The following LTN1 variants were observed in gnomAD, a reference collection of about 807,000 sequenced individuals.
The protein encoded by LTN1 is listerin E3 ubiquitin protein ligase 1, also known as E3 ubiquitin-protein ligase listerin.
LTN1 carries 88 observed loss-of-function variants against 201.2 expected under a neutral mutation model. That is an observed-to-expected ratio of 0.44 (90% CI 0.37 to 0.52). The LOEUF is 0.52. Among genes scored for constraint, LTN1 ranks in the 20% least tolerant of loss-of-function variants. LTN1 has a pLI of 0.00. For synonymous variants in LTN1, 645 were observed against 713.5 expected, an observed-to-expected ratio of 0.90 and a Z score of 1.53; for missense variants, 1,752 against 2,038.7, an observed-to-expected ratio of 0.86 and a Z score of 2.71.
chr21:28,965,723 G>A lies in LTN1; in HGVS notation c.2163+142C>T. 7.2e-6 allele frequency: 4 copies of A among 552,274 alleles called. No homozygotes were observed. The East Asian group carries it at 1.0e-4, about 14-fold the overall frequency. 34.2% of individuals were successfully genotyped at this position (552,274 alleles called of 1,614,324 possible). A position where few individuals can be genotyped will look rare whatever the true frequency, so the allele number is the denominator to read the frequency against. On this transcript the variant is annotated intron_variant, in intron 11 of 29. Coordinates refer to ENST00000361371, the MANE Select transcript of LTN1 (RefSeq NM_015565.3). Reference sequence around the variant, plus strand: ...GAACAAATATCTTCCCACATTATAGGAAGAAAGTTACAATAATGAGGAAGT... The same window carrying A: ...GAACAAATATCTTCCCACATTATAGAAAGAAAGTTACAATAATGAGGAAGT...
chr21:28,983,511 A>G (rs559817077), intron 4 of LTN1, among the ~76,000 whole-genome samples: 2 of 152,362 alleles, frequency 1.3e-5, no homozygotes, highest in East Asian at 1.9e-4. Flanking sequence ...CACCTGAGAA[A>G]TGAAGAATGG....
Position 28,947,458 on chromosome 21 carries a change from A to G in LTN1, c.3487+6T>C. 1 of 1,510,124 alleles carries G rather than the reference A, an allele frequency of 6.6e-7. No homozygotes were observed. The highest frequency in any genetic ancestry group is 8.8e-7 in the Non-Finnish European group (1 of 1,136,036). The allele number at this position is 1,510,124 out of a possible 1,614,324, so 93.5% of individuals were successfully genotyped here. A position where few individuals can be genotyped will look rare whatever the true frequency, so the allele number is the denominator to read the frequency against. ...TTAATGAAATATTTATTATCAAGCA[A>G]CTAACCATTAGTGCTGCAAAGATCT... On this transcript the variant is annotated splice_donor_region_variant and intron_variant, in intron 19 of 29. Transcript: ENST00000361371.
In LTN1 at chr21:28,986,674, ATTTTATTTTAAC is replaced by A; in HGVS notation, c.246+45_246+56del. 7.5e-7 allele frequency: 1 copy of A among 1,332,860 alleles called. No homozygotes were observed. The highest frequency in any genetic ancestry group is 1.1e-6 in the Non-Finnish European group (1 of 936,052). The allele number at this position is 1,332,860 out of a possible 1,614,324, so 82.6% of individuals were successfully genotyped here. On this transcript the variant is annotated intron_variant, in intron 2 of 29. Coordinates refer to ENST00000361371, the MANE Select transcript of LTN1 (RefSeq NM_015565.3). The surrounding 1 kb of genome is among the most constrained non-coding windows in gnomAD (Gnocchi z 4.1). Reference sequence around the variant, plus strand: ...TCTTTACATAAAACATGCTAATGACATTTTATTTTAACAAAGGGATTTTCTTGATAATTTTTA... The same window carrying A: ...TCTTTACATAAAACATGCTAATGACAAAAGGGATTTTCTTGATAATTTTTA...
intron 1 of LTN1, 48 bp downstream of exon 1, chr21:28,992,716 C>G: frequency 6.2e-7 from 1 of 1,607,360 alleles, no homozygotes; most frequent in African/African-American, 1.3e-5. Context: ...GCGGAGCCAG[C>G]CGCCTCGAAG....
At chr21:28,968,495 C>T (rs578187451) in intron 9 of LTN1, among the ~76,000 whole-genome samples, 56 of 152,324 alleles carry the variant, frequency 3.7e-4, no homozygotes, top group African/African-American at 1.3e-3. Context: ...CCAAGCCAAA[C>T]TTTCACAAAG....
intron 11 of LTN1, among the ~76,000 whole-genome samples, chr21:28,965,138 CTA>C (rs1345998216): frequency 6.6e-6 from 1 of 151,918 alleles, no homozygotes; most frequent in East Asian, 1.9e-4. Context: ...AAATTTCATG[CTA>C]TGTGTTTTTT....
intron 25 of LTN1, among the ~76,000 whole-genome samples, chr21:28,937,862 G>A (rs895379093): frequency 2.0e-5 from 3 of 152,044 alleles, no homozygotes; most frequent in African/African-American, 7.2e-5. Flanking sequence ...TTGGATAAGG[G>A]ATACTCAACC....
At chr21:28,951,562 C>G (rs2084382793) in intron 18 of LTN1, among the ~76,000 whole-genome samples, 1 of 151,762 alleles carries the variant, frequency 6.6e-6, no homozygotes, top group Non-Finnish European at 1.5e-5. Flanking sequence ...AGATTTCTAT[C>G]AGAGAGATTT....
In LTN1 at chr21:28,953,905, T is replaced by C. The variant is rs28702496; in HGVS notation, c.3080-529A>G. On this transcript the variant is annotated intron_variant, in intron 16 of 29. Transcript: ENST00000361371. ...TCACAGGACTGCTGTGATAATTAAATGGCCAAGTATCTATCATAAAGCCTG... is the reference window on the plus strand; with the variant it reads ...TCACAGGACTGCTGTGATAATTAAACGGCCAAGTATCTATCATAAAGCCTG... Among the ~76,000 whole-genome samples, 713 of 152,312 alleles carry C rather than the reference T, an allele frequency of 4.7e-3. 6 individuals carry two copies. The highest frequency in any genetic ancestry group is 0.016 in the African/African-American group (670 of 41,574).
In LTN1 at chr21:28,932,598, G is replaced by A; in HGVS notation, c.4942C>T (p.Leu1648Phe). 6.2e-7 allele frequency: 1 copy of A among 1,613,624 alleles called. No individual in the cohort carries two copies. The highest frequency in any genetic ancestry group is 8.5e-7 in the Non-Finnish European group (1 of 1,179,614). ...TYTIEDIVIE[L>F]IIQLPSNYPL... The stretch of plus-strand genomic sequence containing the variant: ...TAATTTGAAGGCAGTTGTATTATAA[G>A]TTCAATAACTATGTCCTCAATAGTA... The change falls in exon 28 of 30, where the codon CTT (leucine) becomes TTT (phenylalanine). Residue 1648 changes from leucine (L) to phenylalanine (F), a missense_variant. By Grantham distance (22) the Leu-to-Phe change is conservative. This residue lies in a region of LTN1 where 261 missense variants were observed against 350.1 expected (regional missense o/e 0.75). Coordinates refer to ENST00000361371, the MANE Select transcript of LTN1 (RefSeq NM_015565.3).
intron 6 of LTN1, among the ~76,000 whole-genome samples, chr21:28,977,411 G>C (rs1487103881): frequency 1.3e-5 from 2 of 150,848 alleles, no homozygotes; most frequent in Non-Finnish European, 2.9e-5. Flanking sequence ...CAAAATATGT[G>C]ACTAACCTGA....
At chr21:28,959,972 T>TAAA (rs536492491) in intron 12 of LTN1, 3 of 223,416 alleles carry the variant, frequency 1.3e-5, no homozygotes, top group South Asian at 8.2e-5. Context: ...CTTTATGAGC[T>TAAA]AAAAAAAAAA....
At chr21:28,971,597 T>C (rs893402074) in intron 6 of LTN1, among the ~76,000 whole-genome samples, 153 bp from the exon 7 acceptor site, 3 of 152,148 alleles carry the variant, frequency 2.0e-5, no homozygotes, top group Admixed American at 2.0e-4. Flanking sequence ...GAGTATGAAA[T>C]GGCTGAAAAG....
intron 18 of LTN1, among the ~76,000 whole-genome samples, chr21:28,951,650 G>A (rs2084383537): frequency 6.6e-6 from 1 of 151,952 alleles, no homozygotes; most frequent in Non-Finnish European, 1.5e-5. Context: ...ACAACAAAAG[G>A]CTATAGAGTT....
At chr21:28,960,430 T>C in intron 12 of LTN1, 87 bp downstream of exon 12, 5 of 996,750 alleles carry the variant, frequency 5.0e-6, no homozygotes, top group Non-Finnish European at 7.2e-6. Context: ...TTTTAACCAA[T>C]AACACATAAG....
rs781170328 is a variant in LTN1, at chr21:28,930,415, G to A, written c.*33C>T. 36 of 1,543,186 alleles carry A rather than the reference G, an allele frequency of 2.3e-5. No homozygotes were observed. The highest frequency in any genetic ancestry group is 3.4e-4 in the Middle Eastern group (2 of 5,964). ...TCCAAATCCAATGCCTTTGTTTGAT[G>A]TACTTCAGGGATCCCTTCCAGTGAA... On this transcript the variant is annotated 3_prime_UTR_variant, in exon 30 of 30. Transcript: ENST00000361371.
At position 28,966,458 on chromosome 21, in the gene LTN1, A is replaced by G. The variant is rs2084523940; in HGVS notation, c.2033T>C (p.Phe678Ser). Reference protein sequence around the residue: ...GWLNEDQRKDFGFLVDILYSA... With the variant: ...GWLNEDQRKDSGFLVDILYSA... ...GTACAAAATGTCCACCAGGAAACCA[A>G]AATCCTTCCTTTGATCTTCATTTAG... is the stretch of plus-strand genomic sequence containing the variant. Residue 678 changes from phenylalanine to serine, a missense_variant, in exon 10 of 30, where the codon TTT becomes TCT. By Grantham distance (155) the Phe-to-Ser change is radical. Coordinates refer to ENST00000361371, the MANE Select transcript of LTN1 (RefSeq NM_015565.3). 1.2e-6 allele frequency: 2 copies of G among 1,614,178 alleles called. No homozygotes were observed. The highest frequency in any genetic ancestry group is 8.5e-7 in the Non-Finnish European group (1 of 1,180,018).
intron 5 of LTN1, 34 bp from the exon 6 acceptor site, chr21:28,981,333 T>TTTAGAATTTTTAAATATAGCCAAACTATA: frequency 8.1e-7 from 1 of 1,240,234 alleles, no homozygotes; most frequent in Non-Finnish European, 1.1e-6. Context: ...TATTTAAAAA[T>TTTAGAATTTTTAAATATAGCCAAACTATA]TTAGAATTAG....
chr21:28,968,355 C>A (rs553111907), intron 9 of LTN1, among the ~76,000 whole-genome samples: 1 of 152,246 alleles, frequency 6.6e-6, no homozygotes, highest in South Asian at 2.1e-4. Flanking sequence ...CCACAGAGTG[C>A]GGAATCCTAT....
Sources: allele counts gnomAD v4.1 joint callset (sites outside exome capture counted in the v4.1 genomes callset), GRCh38; gene constraint gnomAD v4.1.1; regional missense constraint gnomAD v4.1.1; non-coding constraint Gnocchi (gnomAD v3.1); transcripts MANE v1.5; gene names NCBI Gene and HGNC (gene_info 2026-07-23, HGNC 2026-07-21).